Variants in E2F3 observed in about 807,000 individuals in gnomAD.
E2F3 encodes E2F transcription factor 3, also known as transcription factor E2F3.
E2F3 carries 11 observed loss-of-function variants against 44.4 expected under a neutral mutation model. The ratio of observed to expected loss-of-function variants is 0.25; its 90% CI spans 0.16 to 0.41. The LOEUF (loss-of-function observed/expected upper bound fraction) is 0.41, where lower values mean the gene tolerates loss of function less well. Among genes scored for constraint, E2F3 ranks in the 10% least tolerant of loss-of-function variants. The pLI is 1.00. For missense variants in E2F3, 487 were observed against 583.6 expected, an observed-to-expected ratio of 0.83 and a Z score of 1.70; for synonymous variants, 249 against 253.0, an observed-to-expected ratio of 0.98 and a Z score of 0.15.
chr6:20,470,057 C>T (rs969844690), intron 1 of E2F3, among the ~76,000 whole-genome samples: 57 of 152,262 alleles, frequency 3.7e-4, no homozygotes, highest in African/African-American at 1.3e-3. Flanking sequence ...CAAGCACCTC[C>T]GAACCAGGAC....
intron 1 of E2F3, among the ~76,000 whole-genome samples, chr6:20,461,460 C>T (rs1029291423): frequency 6.6e-6 from 1 of 152,196 alleles, no homozygotes; most frequent in African/African-American, 2.4e-5. Flanking sequence ...CACCACTGCA[C>T]TCCAGCCTGG....
intron 1 of E2F3, among the ~76,000 whole-genome samples, chr6:20,412,113 A>G (rs1236789404): frequency 6.6e-6 from 1 of 152,204 alleles, no homozygotes; most frequent in Non-Finnish European, 1.5e-5. Flanking sequence ...TTGATCTGCA[A>G]GCAAGACTAA....
chr6:20,402,221 C>T lies in E2F3; in HGVS notation c.-12C>T. Reference sequence around the variant, plus strand: ...TAATATACCATAACACTAAAAAGAGCAGGAGCGAGAGATGAGAAAGGGAAT... The same window carrying T: ...TAATATACCATAACACTAAAAAGAGTAGGAGCGAGAGATGAGAAAGGGAAT... On this transcript the variant is annotated 5_prime_UTR_variant, in exon 1 of 7. Transcript: ENST00000346618. This position sits in a 1 kb window ranked among gnomAD's most constrained non-coding sequence, Gnocchi z 5.6. 6.3e-7 allele frequency: 1 copy of T among 1,580,388 alleles called. No individual in the cohort carries two copies.
chr6:20,410,869 G>A (rs779928131), intron 1 of E2F3, among the ~76,000 whole-genome samples: 54 of 152,142 alleles, frequency 3.5e-4, no homozygotes, highest in African/African-American at 1.2e-3. Context: ...TGATCTGCCC[G>A]CCTCGGCCTC....
chr6:20,493,340 C>T lies in E2F3; in HGVS notation c.*2910C>T, dbSNP rs897073518. 3 of 225,354 alleles carry T rather than the reference C, an allele frequency of 1.3e-5. No individual in the cohort carries two copies. The highest frequency in any genetic ancestry group is 6.7e-5 in the African/African-American group (3 of 44,736). The allele number at this position is 225,354 out of a possible 1,614,324, so 14.0% of individuals were successfully genotyped here. ...AAAGAAAATAAGAATTCAGTGTGTGCATGACAACTCGTGTGTATGAGAAGG... is the reference window on the plus strand; with the variant it reads ...AAAGAAAATAAGAATTCAGTGTGTGTATGACAACTCGTGTGTATGAGAAGG... On this transcript the variant is annotated 3_prime_UTR_variant, in exon 7 of 7. Transcript: ENST00000346618.
In E2F3 at chr6:20,410,753, G is replaced by C. The variant is rs141884865; in HGVS notation, c.393+8128G>C. Reference sequence around the variant, plus strand: ...CCTGCCTCAGCCTCCCCCGTAACTGGGATTACAGGTGTGCGCCACCACGCC... The same window carrying C: ...CCTGCCTCAGCCTCCCCCGTAACTGCGATTACAGGTGTGCGCCACCACGCC... On this transcript the variant is annotated intron_variant, in intron 1 of 6. Coordinates refer to ENST00000346618, the MANE Select transcript of E2F3 (RefSeq NM_001949.5). Among the ~76,000 whole-genome samples the C allele has an allele frequency of 1.6e-3, 240 of 152,222 alleles. 3 individuals are homozygous for C. The Middle Eastern group carries it at 0.017, about 11-fold the overall frequency.
chr6:20,428,946 G>A (rs1235260594), intron 1 of E2F3, among the ~76,000 whole-genome samples: 1 of 152,294 alleles, frequency 6.6e-6, no homozygotes, highest in East Asian at 1.9e-4. Flanking sequence ...AGAGGTTCTC[G>A]TAGACCAGTG....
chr6:20,403,871 G>A (rs1316828414), intron 1 of E2F3: 1 of 1,283,450 alleles, frequency 7.8e-7, no homozygotes, highest in Non-Finnish European at 1.1e-6. Flanking sequence ...CCGACGCCGC[G>A]GGGGCACCGG....
chr6:20,432,867 C>A (rs1256487550), intron 1 of E2F3, among the ~76,000 whole-genome samples: 5 of 152,176 alleles, frequency 3.3e-5, no homozygotes, highest in Admixed American at 3.3e-4. Flanking sequence ...TGCCTCAGGG[C>A]CTTTGCACTT....
Position 20,402,396 on chromosome 6 carries a change from G to T in E2F3, c.164G>T (p.Gly55Val). 6.2e-7 allele frequency: 1 copy of T among 1,610,670 alleles called. No individual in the cohort carries two copies. Among genetic ancestry groups the T allele is most frequent in the Admixed American group, 1.7e-5 (1 of 59,878 alleles). ...AAAAAAAAAP[G>V]AYIQILTTNT... ...GCCGCCGCCGCTGCCGCCGCCCCGG[G>T]CGCGTACATCCAGATCCTCACCACG... Residue 55 changes from glycine (G) to valine (V), a missense_variant, in exon 1 of 7, where the codon GGC becomes GTC. By Grantham distance (109) the Gly-to-Val change is moderately radical. Around this residue, in one of 3 missense-constraint regions of E2F3, gnomAD observed 238 missense variants for 236.0 expected, o/e 1.01. Transcript: ENST00000346618. The surrounding 1 kb of genome is among the most constrained non-coding windows in gnomAD (Gnocchi z 5.6).
intron 2 of E2F3, among the ~76,000 whole-genome samples, chr6:20,480,524 T>A (rs1762187650): frequency 6.6e-6 from 1 of 152,228 alleles, no homozygotes; most frequent in Non-Finnish European, 1.5e-5. Flanking sequence ...CTTTGTTCTC[T>A]CTCTTCCTTT....
intron 1 of E2F3, among the ~76,000 whole-genome samples, chr6:20,455,228 C>T (rs570485591): frequency 1.3e-5 from 2 of 152,294 alleles, no homozygotes; most frequent in South Asian, 4.1e-4. Flanking sequence ...TTGAAGAACA[C>T]ATGTTGTAGT....
chr6:20,482,971 T>C, intron 4 of E2F3, 51 bp downstream of exon 4: 2 of 1,609,796 alleles, frequency 1.2e-6, no homozygotes, highest in Non-Finnish European at 1.7e-6. Flanking sequence ...CTAGACTATT[T>C]CCAGAGTTGA....
At chr6:20,403,060 A>G (rs1759363388) in intron 1 of E2F3, among the ~76,000 whole-genome samples, 1 of 149,966 alleles carries the variant, frequency 6.7e-6, no homozygotes, top group Admixed American at 6.6e-5. Context: ...AAACCGGGGG[A>G]CTGTTGGGGT....
intron 1 of E2F3, among the ~76,000 whole-genome samples, chr6:20,477,137 G>T (rs906041892): frequency 6.6e-6 from 1 of 151,986 alleles, no homozygotes; most frequent in Admixed American, 6.6e-5. Flanking sequence ...TGTTGTTTGG[G>T]GTTTTCATTA....
intron 3 of E2F3, among the ~76,000 whole-genome samples, chr6:20,482,345 T>TG (rs1235875495): frequency 2.0e-5 from 3 of 149,472 alleles, no homozygotes; most frequent in Non-Finnish European, 4.5e-5. Flanking sequence ...TTTTTTTGTT[T>TG]TTTTTTTTTT....
At chr6:20,417,486 A>G (rs1054881641) in intron 1 of E2F3, among the ~76,000 whole-genome samples, 1 of 152,178 alleles carries the variant, frequency 6.6e-6, no homozygotes, top group Non-Finnish European at 1.5e-5. Context: ...GAATAAAAAT[A>G]AGTGTTTTAA....
chr6:20,466,516 T>G (rs1398874413), intron 1 of E2F3, among the ~76,000 whole-genome samples: 2 of 152,214 alleles, frequency 1.3e-5, no homozygotes, highest in Non-Finnish European at 2.9e-5. Context: ...TGCTGAGCAC[T>G]TTTTCATGTT....
intron 1 of E2F3, among the ~76,000 whole-genome samples, chr6:20,459,227 G>A (rs555544388): frequency 6.6e-6 from 1 of 152,284 alleles, no homozygotes; most frequent in Non-Finnish European, 1.5e-5. Flanking sequence ...AGCCAACATC[G>A]TGCCACTGCA....
Sources: allele counts gnomAD v4.1 joint callset (sites outside exome capture counted in the v4.1 genomes callset), GRCh38; gene constraint gnomAD v4.1.1; regional missense constraint gnomAD v4.1.1; non-coding constraint Gnocchi (gnomAD v3.1); transcripts MANE v1.5; gene names NCBI Gene and HGNC (gene_info 2026-07-23, HGNC 2026-07-21).